The following BCAS1 variants were observed in gnomAD, a reference collection of about 807,000 sequenced individuals.
BCAS1 encodes brain enriched myelin associated protein 1, also known as breast carcinoma-amplified sequence 1.
In BCAS1, 46 loss-of-function variants were observed where a neutral mutation model predicts 65.4. That is an observed-to-expected ratio of 0.70 (90% CI 0.55 to 0.90). The LOEUF (loss-of-function observed/expected upper bound fraction) is 0.90, where lower values mean the gene tolerates loss of function less well. BCAS1 is among the 40% of genes least tolerant of loss of function. The pLI is 0.00. For synonymous variants in BCAS1, 298 were observed against 293.5 expected (o/e 1.02, Z -0.16); for missense variants, 793 against 771.2 (o/e 1.03, Z -0.33).
chr20:54,065,630 T>G (rs2092430592), intron 1 of BCAS1, among the ~76,000 whole-genome samples: 1 of 152,196 alleles, frequency 6.6e-6, no homozygotes, highest in Admixed American at 6.5e-5. Context: ...GACTTGGGGA[T>G]GTTCTCCTCG....
intron 6 of BCAS1, among the ~76,000 whole-genome samples, chr20:53,992,915 G>C (rs193046566): frequency 2.3e-3 from 352 of 152,218 alleles, no homozygotes; most frequent in African/African-American, 8.0e-3. Flanking sequence ...ACAAAACTCT[G>C]TATCTCCATT....
chr20:54,026,159 A>G (rs982124838), intron 4 of BCAS1, among the ~76,000 whole-genome samples: 1 of 152,186 alleles, frequency 6.6e-6, no homozygotes, highest in Non-Finnish European at 1.5e-5. Flanking sequence ...TCAGAAAGGA[A>G]GACAGTTACA....
rs1407131432 is a variant in BCAS1, at chr20:53,944,884, G to A, written c.*38C>T. ...AGATGGAGTAAGGAGAACACATCTT[G>A]GTGGCAGGAGAACCTGGTGGGAACC... On this transcript the variant is annotated 3_prime_UTR_variant, in exon 13 of 13. Coordinates refer to ENST00000688948, the MANE Select transcript of BCAS1 (RefSeq NM_001366298.2). 3.8e-6 allele frequency: 6 copies of A among 1,575,342 alleles called. No homozygotes were observed. Among genetic ancestry groups the A allele is most frequent in the Non-Finnish European group, 5.2e-6 (6 of 1,144,698 alleles).
intron 4 of BCAS1, among the ~76,000 whole-genome samples, chr20:54,020,729 A>G (rs1468291581): frequency 6.6e-6 from 1 of 152,240 alleles, no homozygotes; most frequent in Non-Finnish European, 1.5e-5. Context: ...ATAACAGAAC[A>G]GCGTTCTCCA....
At chr20:54,069,348 T>C (rs2870305) in intron 1 of BCAS1, among the ~76,000 whole-genome samples, 20,728 of 152,266 alleles carry the variant, frequency 0.14, 1,854 homozygotes, top group East Asian at 0.28. Flanking sequence ...TGATCTTATC[T>C]TTCTGTAACA....
chr20:53,959,963 A>T (rs1379877757), intron 10 of BCAS1, among the ~76,000 whole-genome samples: 3 of 152,136 alleles, frequency 2.0e-5, no homozygotes, highest in Non-Finnish European at 4.4e-5. Flanking sequence ...CAGCCTTCCC[A>T]TCACACCCAA....
At chr20:53,949,566 G>A (rs1401128732) in intron 12 of BCAS1, among the ~76,000 whole-genome samples, 1 of 152,236 alleles carries the variant, frequency 6.6e-6, no homozygotes, top group Non-Finnish European at 1.5e-5. Flanking sequence ...AGGCGGTCAG[G>A]CAACCCTGGG....
intron 12 of BCAS1, among the ~76,000 whole-genome samples, chr20:53,949,637 C>G (rs531157130): frequency 2.0e-5 from 3 of 152,304 alleles, no homozygotes; most frequent in South Asian, 2.1e-4. Flanking sequence ...GGGAAGCCCC[C>G]CTCCGTCCTC....
intron 8 of BCAS1, among the ~76,000 whole-genome samples, chr20:53,975,747 A>G (rs2090316957): frequency 6.6e-6 from 1 of 152,148 alleles, no homozygotes; most frequent in African/African-American, 2.4e-5. Flanking sequence ...ACTTGCCTTT[A>G]TATTTTTTAG....
At position 53,957,306 on chromosome 20, in the gene BCAS1, G is replaced by A. The variant is rs546792159; in HGVS notation, c.1551+126C>T. The A allele has an allele frequency of 1.7e-5, 14 of 821,356 alleles. No individual in the cohort carries two copies. In the Admixed American group the frequency reaches 1.8e-4, roughly 11 times the overall value. The allele number at this position is 821,356 out of a possible 1,614,324, so 50.9% of individuals were successfully genotyped here. On this transcript the variant is annotated intron_variant, in intron 11 of 12. Coordinates refer to ENST00000688948, the MANE Select transcript of BCAS1 (RefSeq NM_001366298.2). ...ACCCCAACATAGTTCTTGGCATATAGTAGGTGCTTAATCCTGAGATATTAA... is the reference window on the plus strand; with the variant it reads ...ACCCCAACATAGTTCTTGGCATATAATAGGTGCTTAATCCTGAGATATTAA...
At chr20:54,063,813 GA>G (rs11479592) in intron 1 of BCAS1, among the ~76,000 whole-genome samples, 5,806 of 152,244 alleles carry the variant, frequency 0.038, 164 homozygotes, top group Middle Eastern at 0.085. Flanking sequence ...TCAAAAAGGA[GA>G]AAAATAAATC....
At chr20:54,011,541 A>T (rs185407827) in intron 4 of BCAS1, among the ~76,000 whole-genome samples, 2 of 152,346 alleles carry the variant, frequency 1.3e-5, no homozygotes, top group East Asian at 3.9e-4. Flanking sequence ...ATAACGAGAC[A>T]TCACTATGCA....
intron 3 of BCAS1, among the ~76,000 whole-genome samples, chr20:54,044,908 G>A (rs186322692): frequency 4.6e-5 from 7 of 151,294 alleles, no homozygotes; most frequent in Non-Finnish European, 1.0e-4. Flanking sequence ...TAAACATTAC[G>A]AGTTTAAAAA....
chr20:54,067,925 C>A (rs930505867), intron 1 of BCAS1, among the ~76,000 whole-genome samples: 11 of 152,258 alleles, frequency 7.2e-5, no homozygotes, highest in Non-Finnish European at 1.5e-4. Context: ...CCAGCAGAAC[C>A]AGCCCTCTGC....
In BCAS1 at chr20:53,995,874, G is replaced by T; in HGVS notation, c.882+18C>A. 1.9e-6 allele frequency: 3 copies of T among 1,578,936 alleles called. No individual in the cohort carries two copies. The highest frequency in any genetic ancestry group is 2.3e-5 in the East Asian group (1 of 44,378). Reference sequence around the variant, plus strand: ...TTGAGCAATAGAGTGGAGGGGAAAAGAGGAGAAAACTGCTTACCAGAGTTT... The same window carrying T: ...TTGAGCAATAGAGTGGAGGGGAAAATAGGAGAAAACTGCTTACCAGAGTTT... On this transcript the variant is annotated intron_variant, in intron 5 of 12. Transcript: ENST00000688948.
At chr20:53,972,923 G>A (rs926751720) in intron 9 of BCAS1, among the ~76,000 whole-genome samples, 4 of 152,176 alleles carry the variant, frequency 2.6e-5, no homozygotes, top group East Asian at 1.9e-4. Context: ...CAAGTGATAG[G>A]CTGTCAGAAG....
chr20:53,950,934 C>G (rs2089500791), intron 12 of BCAS1, among the ~76,000 whole-genome samples: 1 of 152,182 alleles, frequency 6.6e-6, no homozygotes, highest in African/African-American at 2.4e-5. Flanking sequence ...TTTATAGAAA[C>G]AAGGGTTGCA....
chr20:53,972,766 G>A (rs1204075375), intron 9 of BCAS1, among the ~76,000 whole-genome samples: 2 of 152,160 alleles, frequency 1.3e-5, no homozygotes, highest in African/African-American at 4.8e-5. Flanking sequence ...AAGTAAGCAC[G>A]TTATAGACAT....
chr20:54,058,621 T>C, intron 2 of BCAS1, 26 bp downstream of exon 2: 1 of 1,509,744 alleles, frequency 6.6e-7, no homozygotes, highest in South Asian at 1.2e-5. Flanking sequence ...TTTCTGCTGA[T>C]GCCCCTGTAA....
Sources: gnomAD v4.1 joint callset for allele counts (sites outside exome capture counted in the v4.1 genomes callset) on GRCh38, gnomAD v4.1.1 for gene constraint, MANE v1.5 for transcripts, NCBI Gene and HGNC (gene_info 2026-07-23, HGNC 2026-07-21) for gene names.